The following WDFY2 variants were observed in gnomAD, a reference collection of about 807,000 sequenced individuals.
WDFY2 encodes the protein WD repeat and FYVE domain-containing protein 2.
Under a neutral mutation model 56.4 loss-of-function variants are expected in WDFY2, and 36 were observed. The observed-to-expected ratio is 0.64, with a 90% CI of 0.49 to 0.84. The LOEUF (loss-of-function observed/expected upper bound fraction) is 0.84, where lower values mean the gene tolerates loss of function less well. WDFY2 is among the 40% of genes least tolerant of loss of function. WDFY2 has a pLI of 0.00. For missense variants in WDFY2, 444 were observed against 512.2 expected (o/e 0.87, Z 1.29); for synonymous variants, 176 against 183.7 (o/e 0.96, Z 0.34).
At chr13:51,609,212 C>T (rs1350413210) in intron 1 of WDFY2, among the ~76,000 whole-genome samples, 1 of 152,150 alleles carries the variant, frequency 6.6e-6, no homozygotes, top group Non-Finnish European at 1.5e-5. Context: ...CCATTCACGT[C>T]AAGAAATTGA....
At chr13:51,614,699 A>G (rs1226923967) in intron 1 of WDFY2, among the ~76,000 whole-genome samples, 1 of 152,228 alleles carries the variant, frequency 6.6e-6, no homozygotes, top group Non-Finnish European at 1.5e-5. Context: ...CTTACATGTC[A>G]TTAACCAAAA....
chr13:51,629,545 G>T (rs1395651148), intron 1 of WDFY2, among the ~76,000 whole-genome samples: 1 of 152,028 alleles, frequency 6.6e-6, no homozygotes, highest in Non-Finnish European at 1.5e-5. Context: ...ATGAAATAAA[G>T]GTGTGTGAAA....
intron 7 of WDFY2, among the ~76,000 whole-genome samples, chr13:51,749,831 ATTATCT>A (rs1294080762): frequency 7.9e-5 from 12 of 152,328 alleles, no homozygotes; most frequent in Non-Finnish European, 1.5e-5. Context: ...GACCTTGGAA[ATTATCT>A]TTAAGTTGAT....
intron 1 of WDFY2, among the ~76,000 whole-genome samples, chr13:51,629,294 G>T (rs1260499438): frequency 2.0e-5 from 3 of 152,178 alleles, no homozygotes; most frequent in Non-Finnish European, 4.4e-5. Flanking sequence ...AATGCAGATG[G>T]TTACTGGTAT....
chr13:51,752,438 G>T (rs929481453), intron 8 of WDFY2, among the ~76,000 whole-genome samples: 1 of 152,192 alleles, frequency 6.6e-6, no homozygotes, highest in Non-Finnish European at 1.5e-5. Context: ...CCATGTTCCC[G>T]CATGGCTGGT....
At chr13:51,683,650 G>A (rs1201661856) in intron 3 of WDFY2, among the ~76,000 whole-genome samples, 1 of 152,200 alleles carries the variant, frequency 6.6e-6, no homozygotes, top group Non-Finnish European at 1.5e-5. Context: ...GAGCCAAAAT[G>A]CATGAAGGAA....
rs1481339698 is a variant in WDFY2, at chr13:51,761,594, TCCTC to T, written c.*1829_*1832del. ...AATACACATGGGAGTGAAATTGAAA[TCCTC>T]CCTATTATTTTCCCTCTTTTCCTGG... On this transcript the variant is annotated 3_prime_UTR_variant, in exon 12 of 12. Coordinates refer to ENST00000298125, the MANE Select transcript of WDFY2 (RefSeq NM_052950.4). 1.3e-5 allele frequency: 2 copies of T among 152,112 alleles called. No individual in the cohort carries two copies. Among genetic ancestry groups the T allele is most frequent in the Non-Finnish European group, 2.9e-5 (2 of 68,032 alleles). The allele number at this position is 152,112 out of a possible 1,614,324, so 9.4% of individuals were successfully genotyped here.
chr13:51,641,662 T>C (rs945473173), intron 1 of WDFY2, among the ~76,000 whole-genome samples: 2 of 149,150 alleles, frequency 1.3e-5, no homozygotes, highest in Non-Finnish European at 3.0e-5. Context: ...CCGTCTCTAC[T>C]AAAAATACAA....
chr13:51,611,933 G>A (rs926519789), intron 1 of WDFY2, among the ~76,000 whole-genome samples: 2 of 152,134 alleles, frequency 1.3e-5, no homozygotes, highest in Non-Finnish European at 2.9e-5. Context: ...ATAAGGAAAG[G>A]TAGCCTGAAA....
At chr13:51,758,995 A>G (rs115613160) in intron 11 of WDFY2, among the ~76,000 whole-genome samples, 1 of 152,240 alleles carries the variant, frequency 6.6e-6, no homozygotes, top group African/African-American at 2.4e-5. Flanking sequence ...CAGCCTGGCC[A>G]CCATAGTGTG....
At chr13:51,593,118 C>G (rs1954082451) in intron 1 of WDFY2, among the ~76,000 whole-genome samples, 1 of 151,974 alleles carries the variant, frequency 6.6e-6, no homozygotes, top group East Asian at 1.9e-4. Context: ...ATGTTCTTGC[C>G]CTCACTTAAA....
chr13:51,609,985 A>G (rs1422150851), intron 1 of WDFY2, among the ~76,000 whole-genome samples: 1 of 152,124 alleles, frequency 6.6e-6, no homozygotes, highest in Non-Finnish European at 1.5e-5. Flanking sequence ...AAACCTCAAC[A>G]TGTATGATTC....
chr13:51,678,422 A>C (rs1955923517), intron 3 of WDFY2, among the ~76,000 whole-genome samples: 1 of 152,238 alleles, frequency 6.6e-6, no homozygotes, highest in Admixed American at 6.5e-5. Flanking sequence ...CACTTGCTTA[A>C]ATTCTGAGAT....
chr13:51,602,365 G>T (rs1369026112), intron 1 of WDFY2, among the ~76,000 whole-genome samples: 6 of 152,132 alleles, frequency 3.9e-5, no homozygotes, highest in Admixed American at 6.5e-5. Flanking sequence ...GTAACATGTT[G>T]TACAGGTTTG....
intron 1 of WDFY2, chr13:51,586,815 C>T (rs1220709105): frequency 2.0e-5 from 3 of 151,982 alleles, no homozygotes; most frequent in African/African-American, 7.3e-5. Flanking sequence ...TAAGGTTCAC[C>T]CATAAGTCTG....
intron 1 of WDFY2, chr13:51,588,738 A>G (rs1420527719): frequency 2.0e-5 from 3 of 152,226 alleles, no homozygotes; most frequent in Non-Finnish European, 2.9e-5. Flanking sequence ...AACGGAGCCA[A>G]TTGGCTTGAG....
At chr13:51,627,142 C>T (rs952855825) in intron 1 of WDFY2, among the ~76,000 whole-genome samples, 3 of 152,238 alleles carry the variant, frequency 2.0e-5, no homozygotes, top group African/African-American at 7.2e-5. Flanking sequence ...ATGAGGGGAA[C>T]ATGGTGGCAC....
At chr13:51,646,278 C>T (rs1422654038) in intron 1 of WDFY2, among the ~76,000 whole-genome samples, 4 of 152,246 alleles carry the variant, frequency 2.6e-5, no homozygotes, top group African/African-American at 4.8e-5. Context: ...CCTTGCCTCC[C>T]TGGGCGGCAG....
chr13:51,745,027 A>G (rs1953062158), intron 7 of WDFY2, among the ~76,000 whole-genome samples: 1 of 152,176 alleles, frequency 6.6e-6, no homozygotes, highest in South Asian at 2.1e-4. Flanking sequence ...TAAATTATGT[A>G]TTTGTTGCTG....
Sources: gnomAD v4.1 joint callset for allele counts (sites outside exome capture counted in the v4.1 genomes callset) on GRCh38, gnomAD v4.1.1 for gene constraint, MANE v1.5 for transcripts, NCBI Gene and HGNC (gene_info 2026-07-23, HGNC 2026-07-21) for gene names.